Variants in ARHGEF10 observed in about 807,000 individuals in gnomAD.
ARHGEF10 encodes Rho guanine nucleotide exchange factor (GEF) 10.
A neutral mutation model predicts 147.4 loss-of-function variants in ARHGEF10; 140 were observed. The ratio of observed to expected loss-of-function variants is 0.95; its 90% CI spans 0.83 to 1.09. The LOEUF is 1.09. Among genes scored for constraint, ARHGEF10 ranks in the 50% least tolerant of loss-of-function variants. ARHGEF10 has a pLI of 0.00. For missense variants in ARHGEF10, 2,222 were observed against 1,752.7 expected (o/e 1.27, Z -4.78); for synonymous variants, 902 against 695.8 (o/e 1.30, Z -4.67).
chr8:1,866,276 TG>T (rs1431880879), intron 5 of ARHGEF10, among the ~76,000 whole-genome samples: 1 of 152,236 alleles, frequency 6.6e-6, no homozygotes, highest in African/African-American at 2.4e-5. Context: ...GTATTGCCCT[TG>T]CCCGTGTTCT....
At chr8:1,923,383 T>C (rs953955803) in intron 19 of ARHGEF10, 85 bp from the exon 20 acceptor site, 21 of 1,579,486 alleles carry the variant, frequency 1.3e-5, no homozygotes, top group Non-Finnish European at 1.7e-5. Flanking sequence ...GAATTTCTCA[T>C]ATTAAAATTG....
rs1341396777 is a variant in ARHGEF10 at position 1,929,807 on chromosome 8, C to T, written c.3079+364C>T. 2.6e-5 allele frequency among the ~76,000 whole-genome samples: 4 copies of T among 152,184 alleles called. No homozygotes were observed. The East Asian group carries it at 7.7e-4, about 29-fold the overall frequency. ...CCGGCGGGGCCTCCTGTACCTGGGCCAGCCCTCTTTGCCCCGGTGCTGTGC... is the reference window on the plus strand; with the variant it reads ...CCGGCGGGGCCTCCTGTACCTGGGCTAGCCCTCTTTGCCCCGGTGCTGTGC... On this transcript the variant is annotated intron_variant, in intron 25 of 28. Transcript: ENST00000349830.
intron 1 of ARHGEF10, among the ~76,000 whole-genome samples, chr8:1,841,648 A>C (rs1052545532): frequency 3.3e-5 from 5 of 151,768 alleles, no homozygotes; most frequent in Non-Finnish European, 5.9e-5. Context: ...TCGGGGCCTG[A>C]TGATGTGAAA....
chr8:1,926,352 A>G, intron 22 of ARHGEF10, 25 bp from the exon 23 acceptor site: 1 of 1,588,950 alleles, frequency 6.3e-7, no homozygotes, highest in Non-Finnish European at 8.6e-7. Context: ...TTTATATGTG[A>G]GCGTTTGATT....
chr8:1,939,871 C>A (rs1813939257), intron 26 of ARHGEF10, among the ~76,000 whole-genome samples: 1 of 152,174 alleles, frequency 6.6e-6, no homozygotes, highest in Non-Finnish European at 1.5e-5. Flanking sequence ...TAGCCAGCAG[C>A]CTTTGACTTG....
At chr8:1,949,383 T>G (rs2280824) in intron 27 of ARHGEF10, among the ~76,000 whole-genome samples, 26,522 of 152,190 alleles carry the variant, frequency 0.17, 2,316 homozygotes, top group East Asian at 0.24. Flanking sequence ...GGTCTGTGAT[T>G]AACATACACA....
intron 18 of ARHGEF10, among the ~76,000 whole-genome samples, chr8:1,913,478 T>C (rs1811527594): frequency 6.6e-6 from 1 of 152,278 alleles, no homozygotes. Flanking sequence ...TTTGTAGTTA[T>C]TTAATCCTTA....
chr8:1,824,800 C>T (rs1435404243), intron 1 of ARHGEF10, among the ~76,000 whole-genome samples: 1 of 42,584 alleles, frequency 2.3e-5, no homozygotes, highest in Non-Finnish European at 4.5e-5. Flanking sequence ...CCCCTCGCAC[C>T]CCACCTGTTC....
chr8:1,868,491 G>C (rs1806809157), intron 6 of ARHGEF10, among the ~76,000 whole-genome samples: 1 of 152,204 alleles, frequency 6.6e-6, no homozygotes, highest in Non-Finnish European at 1.5e-5. Context: ...TAAACCTCAG[G>C]CTCATTGTTG....
intron 1 of ARHGEF10, among the ~76,000 whole-genome samples, chr8:1,839,348 C>A (rs563969144): frequency 1.4e-5 from 2 of 139,224 alleles, no homozygotes; most frequent in African/African-American, 2.8e-5. Flanking sequence ...TAGGGACTGT[C>A]TGGTGTGGGG....
intron 4 of ARHGEF10, among the ~76,000 whole-genome samples, chr8:1,862,820 T>C (rs1233425403): frequency 4.8e-5 from 7 of 145,220 alleles, no homozygotes; most frequent in Non-Finnish European, 9.0e-5. Context: ...GCTCTGTCGC[T>C]CAGGCTGGAG....
At position 1,824,039 on chromosome 8, in the gene ARHGEF10, AGCGGGG is replaced by A. The variant is rs1802583802; in HGVS notation, c.-120_-115del. The A allele has an allele frequency of 6.0e-5, 2 of 33,146 alleles. No individual in the cohort carries two copies. The highest frequency in any genetic ancestry group is 2.6e-4 in the African/African-American group (2 of 7,768). 2.1% of individuals were successfully genotyped at this position (33,146 alleles called of 1,614,324 possible). A position where few individuals can be genotyped will look rare whatever the true frequency, so the allele number is the denominator to read the frequency against. The stretch of plus-strand genomic sequence containing the variant: ...GGAACGGCGGGGGACGGCGGGGAAC[AGCGGGG>A]GACGGCGGGGAACAGCGGGGGACGG... On this transcript the variant is annotated 5_prime_UTR_variant, in exon 1 of 29. Transcript: ENST00000349830.
intron 18 of ARHGEF10, among the ~76,000 whole-genome samples, chr8:1,913,391 G>C (rs777844079): frequency 6.6e-6 from 1 of 152,176 alleles, no homozygotes; most frequent in Non-Finnish European, 1.5e-5. Flanking sequence ...AGTACAACTT[G>C]AATCTACTTG....
chr8:1,888,219 TTGCGAGGAGACAGTGAGTGTGGTGAGGG>T lies in ARHGEF10; in HGVS notation c.1182+2514_1182+2541del, dbSNP rs1187396924. 5.3e-3 allele frequency among the ~76,000 whole-genome samples: 163 copies of T among 31,040 alleles called. 15 individuals are homozygous for T. The highest frequency in any genetic ancestry group is 9.4e-3 in the Non-Finnish European group (135 of 14,412). 20.4% of individuals were successfully genotyped at this position (31,040 alleles called of 152,430 possible). On this transcript the variant is annotated intron_variant, in intron 11 of 28. Transcript: ENST00000349830. ...GAGGAGACACTTAGTGGGGCGAGGG[TTGCGAGGAGACAGTGAGTGTGGTGAGGG>T]TTGCGAGGAGATGCTGAGTGGGGCT...
chr8:1,944,273 A>G (rs1284532354), intron 26 of ARHGEF10, among the ~76,000 whole-genome samples: 3 of 152,052 alleles, frequency 2.0e-5, no homozygotes, highest in Non-Finnish European at 4.4e-5. Flanking sequence ...TCGGGACCCC[A>G]GCCCTGCGTG....
At position 1,900,857 on chromosome 8, in the gene ARHGEF10, C is replaced by T. The variant is rs189204832; in HGVS notation, c.1650+2332C>T. On this transcript the variant is annotated intron_variant, in intron 15 of 28. Coordinates refer to ENST00000349830, the MANE Select transcript of ARHGEF10 (RefSeq NM_014629.4). ...TCCCCGTCCTCCTCCCTCCTTGCCT[C>T]GAGAGACCCTCTTTAGAATTTCCCA... Among the ~76,000 whole-genome samples the T allele has an allele frequency of 2.1e-4, 32 of 152,250 alleles. No homozygotes were observed. The East Asian group carries it at 2.9e-3, about 14-fold the overall frequency.
At chr8:1,863,059 A>G (rs1661645625) in intron 4 of ARHGEF10, among the ~76,000 whole-genome samples, 1 of 152,120 alleles carries the variant, frequency 6.6e-6, no homozygotes, top group Non-Finnish European at 1.5e-5. Flanking sequence ...CTGGGATTAC[A>G]GGCATGAGCC....
intron 1 of ARHGEF10, among the ~76,000 whole-genome samples, chr8:1,834,888 T>G (rs976784024): frequency 6.6e-6 from 1 of 152,244 alleles, no homozygotes; most frequent in Non-Finnish European, 1.5e-5. Context: ...CCGCGCAGCC[T>G]TGGACACCGG....
chr8:1,883,543 T>C (rs1808396393), intron 10 of ARHGEF10, among the ~76,000 whole-genome samples: 2 of 152,272 alleles, frequency 1.3e-5, no homozygotes, highest in East Asian at 1.9e-4. Flanking sequence ...TCGGATACGA[T>C]GTGTAATTGG....
Sources: allele counts gnomAD v4.1 joint callset (sites outside exome capture counted in the v4.1 genomes callset), GRCh38; gene constraint gnomAD v4.1.1; transcripts MANE v1.5; gene names NCBI Gene and HGNC (gene_info 2026-07-23, HGNC 2026-07-21).